Variants in SOX6 observed in about 807,000 individuals in gnomAD.
SOX6 encodes transcription factor SOX-6.
Under a neutral mutation model 97.8 loss-of-function variants are expected in SOX6, and 11 were observed. The ratio of observed to expected loss-of-function variants is 0.11; its 90% CI spans 0.07 to 0.19. The LOEUF (loss-of-function observed/expected upper bound fraction) is 0.19. SOX6 is among the 10% of genes least tolerant of loss of function. SOX6 has a pLI of 1.00. For synonymous variants in SOX6, 360 were observed against 371.4 expected, an observed-to-expected ratio of 0.97 and a Z score of 0.35; for missense variants, 810 against 1,039.5, an observed-to-expected ratio of 0.78 and a Z score of 3.04.
rs548651789 is a variant in SOX6, at chr11:16,644,282, C to T, written n.430-32022G>A. Among the ~76,000 whole-genome samples the T allele has an allele frequency of 8.5e-5, 13 of 152,264 alleles. No individual in the cohort carries two copies. In the East Asian group the frequency reaches 1.4e-3, roughly 16 times the overall value. The stretch of plus-strand genomic sequence containing the variant: ...CTCAAACTCCAGAGCTCAAGATATC[C>T]GCCTGCCTCAGCCTCTCAAAGTGCT... On this transcript the variant is annotated intron_variant and non_coding_transcript_variant, in intron 3 of 5. Transcript: ENST00000524520.
intron 4 of SOX6, among the ~76,000 whole-genome samples, chr11:16,568,825 T>G (rs1201073377): frequency 2.0e-5 from 3 of 152,212 alleles, no homozygotes; most frequent in Admixed American, 6.5e-5. Flanking sequence ...CCTTTTACAC[T>G]GTCCACCCTT....
At chr11:16,174,720 G>A (rs1017109770) in intron 6 of SOX6, among the ~76,000 whole-genome samples, 6 of 151,808 alleles carry the variant, frequency 4.0e-5, no homozygotes, top group African/African-American at 1.5e-4. Context: ...GCATACATAA[G>A]ATTTATATGA....
At chr11:16,262,029 AGCACAAAG>A (rs1448421988) in intron 3 of SOX6, among the ~76,000 whole-genome samples, 5 of 152,056 alleles carry the variant, frequency 3.3e-5, no homozygotes, top group African/African-American at 1.2e-4. Flanking sequence ...GATTACATAA[AGCACAAAG>A]GCTCTTTCAA....
At chr11:16,641,519 C>T (rs1321219939) in intron 3 of SOX6, among the ~76,000 whole-genome samples, 1 of 151,966 alleles carries the variant, frequency 6.6e-6, no homozygotes, top group Non-Finnish European at 1.5e-5. Flanking sequence ...TAAAGTCTCT[C>T]GTTATTATTG....
intron 4 of SOX6, among the ~76,000 whole-genome samples, chr11:16,499,960 T>G (rs1439301052): frequency 6.6e-6 from 1 of 152,202 alleles, no homozygotes; most frequent in African/African-American, 2.4e-5. Context: ...ACTCATTTTA[T>G]GAGGCCAGCA....
chr11:16,529,180 A>C (rs778717541), intron 4 of SOX6, among the ~76,000 whole-genome samples: 2 of 152,096 alleles, frequency 1.3e-5, no homozygotes, highest in Non-Finnish European at 1.5e-5. Context: ...TTAATTCAAG[A>C]ATTAAAACAC....
intron 3 of SOX6, among the ~76,000 whole-genome samples, chr11:16,308,361 A>T (rs986326117): frequency 6.6e-6 from 1 of 152,334 alleles, no homozygotes; most frequent in East Asian, 1.9e-4. Flanking sequence ...GAATTTTACA[A>T]ATTGTCCTTT....
intron 3 of SOX6, among the ~76,000 whole-genome samples, chr11:16,302,573 T>C (rs889694142): frequency 7.2e-5 from 10 of 139,088 alleles, no homozygotes; most frequent in South Asian, 2.6e-4. Context: ...TTTCTTTTTT[T>C]TTTTTTTTTT....
chr11:16,643,627 C>T (rs1005615411), intron 3 of SOX6, among the ~76,000 whole-genome samples: 21 of 152,214 alleles, frequency 1.4e-4, no homozygotes, highest in Non-Finnish European at 2.4e-4. Flanking sequence ...GCACCCCTCC[C>T]CCAGCCTCGC....
intron 1 of SOX6, among the ~76,000 whole-genome samples, chr11:16,392,365 A>G (rs142592200): frequency 4.3e-4 from 65 of 152,250 alleles, no homozygotes; most frequent in African/African-American, 1.4e-3. Flanking sequence ...CTGTTCTACA[A>G]TAAGAATGTA....
intron 6 of SOX6, among the ~76,000 whole-genome samples, chr11:16,183,464 CT>C (rs1319741342): frequency 6.6e-6 from 1 of 151,896 alleles, no homozygotes; most frequent in Non-Finnish European, 1.5e-5. Flanking sequence ...TATTAACAGC[CT>C]TTTTCCAGAT....
intron 4 of SOX6, among the ~76,000 whole-genome samples, chr11:16,507,011 C>A (rs557671453): frequency 6.6e-6 from 1 of 152,148 alleles, no homozygotes; most frequent in African/African-American, 2.4e-5. Flanking sequence ...TTGCAATGAG[C>A]CAAGATCATA....
At chr11:16,669,117 A>G (rs1847829172) in intron 3 of SOX6, among the ~76,000 whole-genome samples, 2 of 152,244 alleles carry the variant, frequency 1.3e-5, no homozygotes, top group African/African-American at 4.8e-5. Flanking sequence ...GATCATTCTC[A>G]AGGATAGACC....
At chr11:16,484,671 T>C (rs1860400008) in intron 4 of SOX6, 2 of 625,498 alleles carry the variant, frequency 3.2e-6, no homozygotes, top group South Asian at 3.5e-5. Flanking sequence ...TGGCTGGCCA[T>C]GGCTGCTGCG....
chr11:15,973,207 G>A (rs1472669535), intron 15 of SOX6, 95 bp from the exon 16 acceptor site: 1 of 1,227,676 alleles, frequency 8.1e-7, no homozygotes. Flanking sequence ...CTTTCAAAAG[G>A]GAGCCCTAAA....
At chr11:16,240,275 AGTGTGTGT>A (rs4031660) in intron 3 of SOX6, among the ~76,000 whole-genome samples, 49 of 129,150 alleles carry the variant, frequency 3.8e-4, no homozygotes, top group Admixed American at 7.2e-4. Context: ...TAGATAATAT[AGTGTGTGT>A]GTGTGTGTGT....
chr11:16,065,076 T>C (rs1302914810), intron 9 of SOX6, among the ~76,000 whole-genome samples: 1 of 152,036 alleles, frequency 6.6e-6, no homozygotes, highest in Non-Finnish European at 1.5e-5. Context: ...GAAGTCAAAT[T>C]ATCCTTGTTT....
intron 6 of SOX6, among the ~76,000 whole-genome samples, chr11:16,132,533 T>A (rs982302198): frequency 2.7e-5 from 4 of 150,610 alleles, no homozygotes; most frequent in Non-Finnish European, 4.4e-5. Context: ...TAGGAAGACA[T>A]TGGCATGATA....
At chr11:16,597,300 A>G (rs1337775902) in intron 4 of SOX6, among the ~76,000 whole-genome samples, 1 of 148,404 alleles carries the variant, frequency 6.7e-6, no homozygotes, top group Non-Finnish European at 1.5e-5. Context: ...ACCCACTTAT[A>G]TGTATATATA....
Sources: gnomAD v4.1 joint callset for allele counts (sites outside exome capture counted in the v4.1 genomes callset) on GRCh38, gnomAD v4.1.1 for gene constraint, MANE v1.5 for transcripts, NCBI Gene and HGNC (gene_info 2026-07-23, HGNC 2026-07-21) for gene names.